The following SRP54 variants were observed in gnomAD, a reference collection of about 807,000 sequenced individuals.
SRP54 encodes the protein signal recognition particle subunit SRP54.
In SRP54, 10 loss-of-function variants were observed where a neutral mutation model predicts 64.8. That is an observed-to-expected ratio of 0.15 (90% confidence interval 0.10 to 0.26). SRP54 has a LOEUF of 0.26. Ranked by LOEUF, SRP54 falls within the 10% of genes least tolerant of loss-of-function variation. The pLI, the probability that SRP54 is intolerant of heterozygous loss-of-function variation, is 1.00. For synonymous variants in SRP54, 193 were observed against 185.6 expected (o/e 1.04, Z -0.32); for missense variants, 325 against 613.7 (o/e 0.53, Z 4.97).
At chr14:35,016,043 T>C (rs1285865519) in intron 11 of SRP54, among the ~76,000 whole-genome samples, 2 of 152,226 alleles carry the variant, frequency 1.3e-5, no homozygotes, top group African/African-American at 4.8e-5. Flanking sequence ...TTCCTCACTC[T>C]GCCCACTCCT....
chr14:35,024,441 A>G (rs2044587208), intron 14 of SRP54, among the ~76,000 whole-genome samples: 1 of 152,084 alleles, frequency 6.6e-6, no homozygotes, highest in African/African-American at 2.4e-5. Flanking sequence ...TCACCTCTTC[A>G]TGTTCCCTGT....
At chr14:34,991,651 C>T (rs10145490) in intron 1 of SRP54, among the ~76,000 whole-genome samples, 54,730 of 147,514 alleles carry the variant, frequency 0.37, 10,689 homozygotes, top group East Asian at 0.69. Context: ...TGGCTAGTAC[C>T]GAGACACTGA....
At chr14:34,994,199 A>G (rs1433431803) in intron 1 of SRP54, among the ~76,000 whole-genome samples, 1 of 151,192 alleles carries the variant, frequency 6.6e-6, no homozygotes, top group Non-Finnish European at 1.5e-5. Context: ...GGGTTTTGCC[A>G]TGTTGGCCAG....
At chr14:35,003,893 C>T (rs1355244907) in intron 4 of SRP54, among the ~76,000 whole-genome samples, 1 of 151,388 alleles carries the variant, frequency 6.6e-6, no homozygotes, top group Non-Finnish European at 1.5e-5. Context: ...GAGACCACGC[C>T]ACTGCACTCC....
At chr14:34,995,023 C>T (rs1325396238) in intron 1 of SRP54, among the ~76,000 whole-genome samples, 2 of 148,388 alleles carry the variant, frequency 1.3e-5, no homozygotes, top group African/African-American at 5.0e-5. Flanking sequence ...CCCAAGTGAT[C>T]CTCCTTCCTT....
In SRP54 at chr14:34,983,115, T is replaced by C. The variant is rs1247837211; in HGVS notation, c.-134T>C. 2.0e-5 allele frequency: 3 copies of C among 152,356 alleles called. No individual in the cohort carries two copies. Among genetic ancestry groups the C allele is most frequent in the Non-Finnish European group, 4.4e-5 (3 of 68,142 alleles). The allele number at this position is 152,356 out of a possible 1,614,324, so 9.4% of individuals were successfully genotyped here. A position where few individuals can be genotyped will look rare whatever the true frequency, so the allele number is the denominator to read the frequency against. On this transcript the variant is annotated 5_prime_UTR_variant, in exon 1 of 16. Coordinates refer to ENST00000216774, the MANE Select transcript of SRP54 (RefSeq NM_003136.4). Reference sequence around the variant, plus strand: ...AAGTTGGGTTGTGGGGTCATACCTGTCTGTCTGCTCCCAGCTTTCTTGGGT... The same window carrying C: ...AAGTTGGGTTGTGGGGTCATACCTGCCTGTCTGCTCCCAGCTTTCTTGGGT...
At chr14:35,010,488 C>T (rs565742040) in intron 7 of SRP54, among the ~76,000 whole-genome samples, 31 of 151,972 alleles carry the variant, frequency 2.0e-4, no homozygotes, top group African/African-American at 7.5e-4. Context: ...AATTGGAGGC[C>T]AGGCATGATG....
At chr14:34,988,492 G>A (rs1391877459) in intron 1 of SRP54, among the ~76,000 whole-genome samples, 3 of 143,496 alleles carry the variant, frequency 2.1e-5, no homozygotes, top group Non-Finnish European at 4.5e-5. Flanking sequence ...AACCCAGGAG[G>A]TGGAGGTTGC....
chr14:35,012,141 G>A (rs1164106532), intron 8 of SRP54, among the ~76,000 whole-genome samples: 1 of 150,758 alleles, frequency 6.6e-6, no homozygotes, highest in Non-Finnish European at 1.5e-5. Flanking sequence ...GCTTGAACCC[G>A]GGAGGCAGAG....
At chr14:34,986,842 G>T (rs2043902609) in intron 1 of SRP54, among the ~76,000 whole-genome samples, 1 of 151,480 alleles carries the variant, frequency 6.6e-6, no homozygotes, top group African/African-American at 2.4e-5. Flanking sequence ...TTGTGCCACT[G>T]CACTCCAGTG....
intron 13 of SRP54, 137 bp from the exon 14 acceptor site, chr14:35,022,773 T>C (rs2044554831): frequency 1.8e-6 from 1 of 565,488 alleles, no homozygotes; most frequent in Non-Finnish European, 2.8e-6. Context: ...TATTTTGTAA[T>C]ATAAAAAGAA....
At chr14:35,017,085 C>T (rs1470234364) in intron 11 of SRP54, among the ~76,000 whole-genome samples, 2 of 152,092 alleles carry the variant, frequency 1.3e-5, no homozygotes, top group South Asian at 2.1e-4. Context: ...GAACTCCTGG[C>T]CTCAGGTGAT....
chr14:34,999,100 C>T (rs144973862), intron 2 of SRP54, among the ~76,000 whole-genome samples: 6,742 of 148,472 alleles, frequency 0.045, 396 homozygotes, highest in Admixed American at 0.17. Flanking sequence ...CTGCAGCCTC[C>T]GCCTCCCGAG....
intron 7 of SRP54, among the ~76,000 whole-genome samples, chr14:35,010,120 C>G (rs1348997958): frequency 2.0e-5 from 3 of 151,428 alleles, no homozygotes; most frequent in Non-Finnish European, 4.4e-5. Flanking sequence ...TACCCTTCAG[C>G]CTGGGTGACA....
chr14:34,997,279 C>T (rs2044085982), intron 2 of SRP54, among the ~76,000 whole-genome samples: 1 of 152,082 alleles, frequency 6.6e-6, no homozygotes, highest in Non-Finnish European at 1.5e-5. Context: ...TTGTAAGCCA[C>T]TCCTTAGATG....
intron 2 of SRP54, among the ~76,000 whole-genome samples, chr14:34,998,343 A>G (rs1213206540): frequency 6.6e-6 from 1 of 152,118 alleles, no homozygotes; most frequent in African/African-American, 2.4e-5. Flanking sequence ...TAAGACTTTT[A>G]ATTTTATGAC....
At chr14:35,012,838 T>C (rs1057016737) in intron 8 of SRP54, among the ~76,000 whole-genome samples, 1 of 152,170 alleles carries the variant, frequency 6.6e-6, no homozygotes, top group Non-Finnish European at 1.5e-5. Context: ...AAATATTTTC[T>C]CATTTACCTT....
rs900549435 is a variant in SRP54 at position 34,983,014 on chromosome 14, A to C, written c.-235A>C. 1.3e-5 allele frequency: 2 copies of C among 152,158 alleles called. No individual in the cohort carries two copies. Among genetic ancestry groups the C allele is most frequent in the African/African-American group, 4.8e-5 (2 of 41,390 alleles). 9.4% of individuals were successfully genotyped at this position (152,158 alleles called of 1,614,324 possible). ...CTCATTGGGCGGAAGGTTCGCTGGC[A>C]CTCCGTTGGTCTTCCAGCTGGTGGG... is the stretch of plus-strand genomic sequence containing the variant. On this transcript the variant is annotated 5_prime_UTR_variant, in exon 1 of 16. Coordinates refer to ENST00000216774, the MANE Select transcript of SRP54 (RefSeq NM_003136.4).
Position 35,022,922 on chromosome 14 carries a change from C to T in SRP54, c.1169C>T (p.Thr390Met), listed in dbSNP as rs144152355. Residue 390 changes from threonine (T) to methionine (M), a missense_variant, in exon 14 of 16, where the codon ACG becomes ATG. Physicochemically the swap from Thr to Met is moderately conservative, Grantham distance 81. Transcript: ENST00000216774. ...ACCTTGTCTACAGAACTAGACAGTA[C>T]GGATGGTGCCAAAGTTTTTAGTAAA... is the stretch of plus-strand genomic sequence containing the variant. ...DSMNDQELDS[T>M]DGAKVFSKQP... The T allele has an allele frequency of 4.3e-5, 69 of 1,613,122 alleles. No homozygotes were observed. The highest frequency in any genetic ancestry group is 3.7e-4 in the African/African-American group (28 of 74,874).
Sources: gnomAD v4.1 joint callset for allele counts (sites outside exome capture counted in the v4.1 genomes callset) on GRCh38, gnomAD v4.1.1 for gene constraint, MANE v1.5 for transcripts, NCBI Gene and HGNC (gene_info 2026-07-23, HGNC 2026-07-21) for gene names.